Variants in ANKRD27 observed in about 807,000 individuals in gnomAD.
ANKRD27 encodes the protein ankyrin repeat domain-containing protein 27.
Under a neutral mutation model 129.7 loss-of-function variants are expected in ANKRD27, and 112 were observed. The ratio of observed to expected loss-of-function variants is 0.86; its 90% CI spans 0.74 to 1.01. The LOEUF (loss-of-function observed/expected upper bound fraction) is 1.01. Ranked by LOEUF, ANKRD27 falls within the 50% of genes least tolerant of loss-of-function variation. ANKRD27 has a pLI of 0.00. For synonymous variants in ANKRD27, 516 were observed against 511.2 expected (o/e 1.01, Z -0.13); for missense variants, 1,258 against 1,300.5 (o/e 0.97, Z 0.50).
At chr19:32,673,164 G>C in intron 1 of ANKRD27, 1 of 379,968 alleles carries the variant, frequency 2.6e-6, no homozygotes, top group Non-Finnish European at 3.6e-6. Flanking sequence ...AGACACCTCT[G>C]CCTGCCCTCC....
At chr19:32,598,484 C>CA (rs375645715) in intron 28 of ANKRD27, 106 bp from the exon 29 acceptor site, 360 of 956,106 alleles carry the variant, frequency 3.8e-4, no homozygotes, top group African/African-American at 2.8e-3. Context: ...ATAATGTGCT[C>CA]AGTGCTTGAC....
intron 1 of ANKRD27, among the ~76,000 whole-genome samples, chr19:32,660,224 C>A (rs1033078636): frequency 6.6e-6 from 1 of 152,228 alleles, no homozygotes; most frequent in African/African-American, 2.4e-5. Context: ...GTTACAAAGG[C>A]AGAGCCTTCA....
intron 17 of ANKRD27, among the ~76,000 whole-genome samples, chr19:32,624,366 CAA>C (rs546163855): frequency 3.2e-4 from 23 of 72,724 alleles, no homozygotes; most frequent in Admixed American, 4.6e-4. Flanking sequence ...GACTCCGTCT[CAA>C]AAAAAAAAAA....
At chr19:32,657,145 C>G (rs1468936551) in intron 2 of ANKRD27, among the ~76,000 whole-genome samples, 1 of 151,900 alleles carries the variant, frequency 6.6e-6, no homozygotes, top group East Asian at 1.9e-4. Context: ...TGGGACAACA[C>G]GGTGAAACCC....
rs776803612 is a variant in ANKRD27, at chr19:32,625,892, G to T, written c.1611C>A (p.Cys537Ter). The change falls in exon 17 of 29, where the codon TGC becomes TGA. Residue 537 changes from cysteine (C) to a stop codon, truncating the protein, a stop_gained. Coordinates refer to ENST00000306065, the MANE Select transcript of ANKRD27 (RefSeq NM_032139.3). LOFTEE classifies it high-confidence loss of function. ...NNGNTPLHLA[C>*]TYGHEDCVKA... ...CACTCACGTCCTCGTGGCCGTAGGT[G>T]CAGGCCAGGTGGAGTGGCGTATTCC... The T allele has an allele frequency of 1.2e-6, 2 of 1,607,612 alleles. No individual in the cohort carries two copies. Among genetic ancestry groups the T allele is most frequent in the Admixed American group, 1.7e-5 (1 of 58,576 alleles).
intron 17 of ANKRD27, among the ~76,000 whole-genome samples, chr19:32,623,695 T>G (rs1972048366): frequency 6.6e-6 from 1 of 152,014 alleles, no homozygotes; most frequent in Non-Finnish European, 1.5e-5. Flanking sequence ...ATTATAGGTG[T>G]GTGCCACCAC....
chr19:32,610,019 T>TA (rs1307461336), intron 22 of ANKRD27, among the ~76,000 whole-genome samples: 1 of 149,970 alleles, frequency 6.7e-6, no homozygotes, highest in Admixed American at 6.6e-5. Flanking sequence ...TCTACAAAAA[T>TA]AAAAAAAATA....
At chr19:32,653,995 G>A (rs965762382) in intron 2 of ANKRD27, among the ~76,000 whole-genome samples, 1 of 152,080 alleles carries the variant, frequency 6.6e-6, no homozygotes, top group Non-Finnish European at 1.5e-5. Flanking sequence ...CCGCCTCCCG[G>A]GTTCACGCGA....
chr19:32,660,724 C>T (rs1032254718), intron 1 of ANKRD27, among the ~76,000 whole-genome samples: 1 of 117,204 alleles, frequency 8.5e-6, no homozygotes, highest in Admixed American at 8.5e-5. Context: ...CCTGCATGGG[C>T]TGAGATAGTC....
chr19:32,617,163 C>CA (rs1229959962), intron 21 of ANKRD27, among the ~76,000 whole-genome samples: 2 of 152,198 alleles, frequency 1.3e-5, no homozygotes, highest in African/African-American at 4.8e-5. Context: ...TGCACAAAAT[C>CA]AGAGTCCACA....
At chr19:32,639,521 T>A in intron 11 of ANKRD27, 33 bp from the exon 12 acceptor site, 1 of 1,597,120 alleles carries the variant, frequency 6.3e-7, no homozygotes, top group Non-Finnish European at 8.5e-7. Flanking sequence ...TATGTTGTTG[T>A]CTATCCAAGT....
intron 17 of ANKRD27, 120 bp from the exon 18 acceptor site, chr19:32,622,739 A>G: frequency 2.3e-6 from 2 of 868,696 alleles, no homozygotes; most frequent in Admixed American, 3.9e-5. Flanking sequence ...CAGAAGTGTC[A>G]CAGTATCTGA....
At position 32,674,662 on chromosome 19, in the gene ANKRD27, T is replaced by G. The variant is rs927929342; in HGVS notation, c.-31+409A>C. Among the ~76,000 whole-genome samples the G allele has an allele frequency of 2.7e-3, 404 of 149,956 alleles. 1 individual carries two copies. The highest frequency in any genetic ancestry group is 9.1e-3 in the African/African-American group (368 of 40,504). On this transcript the variant is annotated intron_variant, in intron 1 of 28. Transcript: ENST00000306065. ...AAACCACAACCGCTGCGCGCGCGGC[T>G]CGGACCCCCACCCGCCGCTCCCCTC...
intron 12 of ANKRD27, among the ~76,000 whole-genome samples, chr19:32,635,446 G>GCA (rs370210681): frequency 2.4e-4 from 37 of 152,194 alleles, no homozygotes; most frequent in African/African-American, 8.4e-4. Flanking sequence ...AGACACAAGA[G>GCA]CACACACACA....
intron 1 of ANKRD27, among the ~76,000 whole-genome samples, chr19:32,662,311 C>CAAAAAA (rs34066529): frequency 7.9e-5 from 3 of 38,012 alleles, no homozygotes; most frequent in Admixed American, 4.1e-4. Flanking sequence ...ACTCAGTCTC[C>CAAAAAA]AAAAAAAAAA....
intron 24 of ANKRD27, among the ~76,000 whole-genome samples, chr19:32,605,507 C>G (rs1227083783): frequency 6.6e-6 from 1 of 152,158 alleles, no homozygotes; most frequent in East Asian, 1.9e-4. Context: ...TTCACATAAC[C>G]TTTTTCAAGA....
intron 5 of ANKRD27, 47 bp from the exon 6 acceptor site, chr19:32,643,678 C>T: frequency 5.6e-6 from 9 of 1,602,710 alleles, no homozygotes; most frequent in Non-Finnish European, 7.7e-6. Context: ...CCAGCAAGGC[C>T]ATGACGGGGG....
chr19:32,631,564 C>T, intron 12 of ANKRD27, 70 bp from the exon 13 acceptor site: 1 of 1,253,062 alleles, frequency 8.0e-7, no homozygotes, highest in South Asian at 1.2e-5. Context: ...ACCTCAGCAA[C>T]AACCCCGGCT....
In ANKRD27 at chr19:32,659,243, G is replaced by A. The variant is rs554812213; in HGVS notation, c.-30-198C>T. Reference sequence around the variant, plus strand: ...ACTACAGGCGCCCACCACCACACCCGCGAATTTTTGTATTTTTAGTAAAGA... The same window carrying A: ...ACTACAGGCGCCCACCACCACACCCACGAATTTTTGTATTTTTAGTAAAGA... On this transcript the variant is annotated intron_variant, in intron 1 of 28. Transcript: ENST00000306065. 2.8e-4 allele frequency among the ~76,000 whole-genome samples: 41 copies of A among 146,232 alleles called. 1 individual carries two copies. In the South Asian group the frequency reaches 8.4e-3, roughly 30 times the overall value.
Sources: allele counts gnomAD v4.1 joint callset (sites outside exome capture counted in the v4.1 genomes callset), GRCh38; gene constraint gnomAD v4.1.1; transcripts MANE v1.5; gene names NCBI Gene and HGNC (gene_info 2026-07-23, HGNC 2026-07-21).